Variants in ATXN2 observed in about 807,000 individuals in gnomAD.
ATXN2 encodes ataxin 2.
Under a neutral mutation model 138.6 loss-of-function variants are expected in ATXN2, and 37 were observed. The observed-to-expected ratio is 0.27, with a 90% CI of 0.21 to 0.35. ATXN2 has a LOEUF of 0.35. ATXN2 is among the 10% of genes least tolerant of loss of function. The pLI is 1.00. For missense variants in ATXN2, 1,216 were observed against 1,480.3 expected (o/e 0.82, Z 2.93); for synonymous variants, 549 against 543.7 (o/e 1.01, Z -0.13).
chr12:111,526,091 C>T (rs1880480436), intron 5 of ATXN2, among the ~76,000 whole-genome samples: 1 of 151,966 alleles, frequency 6.6e-6, no homozygotes, highest in Admixed American at 6.5e-5. Flanking sequence ...GATGTGGTGG[C>T]TCATGCCTGT....
chr12:111,495,870 A>G (rs1417890345), intron 14 of ATXN2, among the ~76,000 whole-genome samples: 1 of 152,092 alleles, frequency 6.6e-6, no homozygotes, highest in African/African-American at 2.4e-5. Context: ...TTGACGTGGC[A>G]CAGTGGCTCA....
intron 21 of ATXN2, 56 bp from the exon 22 acceptor site, chr12:111,457,415 C>G (rs529517612): frequency 2.0e-6 from 3 of 1,522,264 alleles, no homozygotes; most frequent in East Asian, 4.6e-5. Flanking sequence ...ACCTCCATCG[C>G]TCCTCTACAC....
At chr12:111,584,369 C>A (rs1463842616) in intron 1 of ATXN2, among the ~76,000 whole-genome samples, 2 of 88,282 alleles carry the variant, frequency 2.3e-5, no homozygotes, top group Non-Finnish European at 4.0e-5. Context: ...GTGACAGAGA[C>A]CCTGTCTCAA....
chr12:111,530,980 T>C (rs746432975), intron 5 of ATXN2, among the ~76,000 whole-genome samples: 5 of 151,470 alleles, frequency 3.3e-5, no homozygotes, highest in Admixed American at 6.6e-5. Context: ...TAGCTGTGCA[T>C]GGTGGTGCAT....
Position 111,598,100 on chromosome 12 carries a change from C to G in ATXN2, c.251+684G>C, listed in dbSNP as rs995485350. The G allele has an allele frequency of 1.8e-6, 2 of 1,134,610 alleles. No homozygotes were observed. Among genetic ancestry groups the G allele is most frequent in the African/African-American group, 1.6e-5 (1 of 61,564 alleles). 70.3% of individuals were successfully genotyped at this position (1,134,610 alleles called of 1,614,324 possible). On this transcript the variant is annotated intron_variant, in intron 1 of 24. Coordinates refer to ENST00000673436, the MANE Select transcript of ATXN2 (RefSeq NM_001372574.1). The surrounding 1 kb of genome is among the most constrained non-coding windows in gnomAD (Gnocchi z 4.5). ...CTGCCGGAGGCCACATGGAGCCCCA[C>G]GATTTCAGGGGAGTTCGGGAGCCCC...
At position 111,491,178 on chromosome 12, in the gene ATXN2, G is replaced by A. The variant is rs573612411; in HGVS notation, c.1936-2398C>T. ...TGAGGTAGGAGAATTATTTGAACCCGGGAGGCGGAGGTTGTGGTGAGCTGA... is the reference window on the plus strand; with the variant it reads ...TGAGGTAGGAGAATTATTTGAACCCAGGAGGCGGAGGTTGTGGTGAGCTGA... On this transcript the variant is annotated intron_variant, in intron 14 of 24. Transcript: ENST00000673436. 2.0e-5 allele frequency among the ~76,000 whole-genome samples: 3 copies of A among 152,142 alleles called. No individual in the cohort carries two copies. In the South Asian group the frequency reaches 6.2e-4, roughly 32 times the overall value.
intron 1 of ATXN2, among the ~76,000 whole-genome samples, chr12:111,566,219 G>A (rs1882995038): frequency 6.6e-6 from 1 of 152,036 alleles, no homozygotes; most frequent in African/African-American, 2.4e-5. Context: ...GATCACCTGA[G>A]ATCGGGAGTT....
At chr12:111,462,949 T>C (rs1407904074) in intron 21 of ATXN2, among the ~76,000 whole-genome samples, 2 of 145,774 alleles carry the variant, frequency 1.4e-5, no homozygotes, top group East Asian at 4.0e-4. Flanking sequence ...AAATAAATTA[T>C]ATATACACAC....
At chr12:111,559,357 C>T (rs1205562831) in intron 1 of ATXN2, among the ~76,000 whole-genome samples, 1 of 151,484 alleles carries the variant, frequency 6.6e-6, no homozygotes, top group African/African-American at 2.4e-5. Context: ...CCTCAGCCTC[C>T]CAAAGTGCTG....
At chr12:111,493,384 C>T (rs971614999) in intron 14 of ATXN2, among the ~76,000 whole-genome samples, 1 of 138,182 alleles carries the variant, frequency 7.2e-6, no homozygotes, top group African/African-American at 2.9e-5. Context: ...GGCACCACTG[C>T]ACTCCAGGCT....
Position 111,456,140 on chromosome 12 carries a change from C to T in ATXN2, c.3159G>A (p.Thr1053=), listed in dbSNP as rs144086685. The change falls in exon 23 of 25, where the codon ACG becomes ACA. Residue 1053 remains threonine (T), a synonymous_variant. Coordinates refer to ENST00000673436, the MANE Select transcript of ATXN2 (RefSeq NM_001372574.1). ...CTGGGAAACTATTCTGTGGCGACTGCGTGTTGGAGGCAGGTGTCATGGAGG... is the reference window on the plus strand; with the variant it reads ...CTGGGAAACTATTCTGTGGCGACTGTGTGTTGGAGGCAGGTGTCATGGAGG... The part of the protein sequence containing the change: ...TPPSMTPASN[T]QSPQNSFPAA... 1.1e-4 allele frequency: 180 copies of T among 1,614,194 alleles called. No homozygotes were observed. In the African/African-American group the frequency reaches 2.0e-3, roughly 18 times the overall value.
intron 5 of ATXN2, among the ~76,000 whole-genome samples, chr12:111,534,106 T>C (rs1452421594): frequency 2.6e-5 from 4 of 151,690 alleles, no homozygotes; most frequent in Non-Finnish European, 4.4e-5. Flanking sequence ...ATATAATAAA[T>C]ATAAATAAAT....
intron 18 of ATXN2, 113 bp downstream of exon 18, chr12:111,485,152 T>A: frequency 1.1e-6 from 1 of 946,598 alleles, no homozygotes; most frequent in South Asian, 1.7e-5. Context: ...AGCCAATGCA[T>A]AGCCTCATCA....
rs757472882 is a variant in ATXN2, at chr12:111,457,172, G to A, written c.3042+42C>T. ...CCTGAAGAAAGCACTCAGATACTAGGATAAAGAAGCCACTCCATGCAGACC... is the reference window on the plus strand; with the variant it reads ...CCTGAAGAAAGCACTCAGATACTAGAATAAAGAAGCCACTCCATGCAGACC... On this transcript the variant is annotated intron_variant, in intron 22 of 24. Coordinates refer to ENST00000673436, the MANE Select transcript of ATXN2 (RefSeq NM_001372574.1). 1.3e-5 allele frequency: 20 copies of A among 1,581,476 alleles called. No individual in the cohort carries two copies. In the South Asian group the frequency reaches 2.2e-4, roughly 17 times the overall value.
chr12:111,583,867 T>C (rs1007551015), intron 1 of ATXN2, among the ~76,000 whole-genome samples: 1 of 150,706 alleles, frequency 6.6e-6, no homozygotes, highest in Non-Finnish European at 1.5e-5. Context: ...CAACTTTAGA[T>C]AAATAACTTT....
At chr12:111,564,035 G>C (rs1882847605) in intron 1 of ATXN2, among the ~76,000 whole-genome samples, 2 of 152,168 alleles carry the variant, frequency 1.3e-5, no homozygotes, top group Admixed American at 1.3e-4. Context: ...CCCCACATTA[G>C]ACAAAACAGT....
intron 1 of ATXN2, among the ~76,000 whole-genome samples, chr12:111,590,455 G>A (rs978958286): frequency 7.9e-5 from 12 of 151,872 alleles, no homozygotes; most frequent in African/African-American, 2.7e-4. Context: ...TTGGGAGGCT[G>A]TTGGGCGGAT....
intron 14 of ATXN2, among the ~76,000 whole-genome samples, chr12:111,503,605 T>TC (rs950944571): frequency 6.6e-6 from 1 of 151,912 alleles, no homozygotes; most frequent in Non-Finnish European, 1.5e-5. Flanking sequence ...TTTTCCACTC[T>TC]CTTTTTTTTT....
At chr12:111,555,436 C>A (rs1882336515) in intron 2 of ATXN2, among the ~76,000 whole-genome samples, 2 of 152,080 alleles carry the variant, frequency 1.3e-5, no homozygotes, top group South Asian at 4.1e-4. Flanking sequence ...GGCAGTTTCC[C>A]CTACGCTGCT....
Sources: gnomAD v4.1 joint callset for allele counts (sites outside exome capture counted in the v4.1 genomes callset) on GRCh38, gnomAD v4.1.1 for gene constraint, Gnocchi (gnomAD v3.1) non-coding constraint, MANE v1.5 for transcripts, NCBI Gene and HGNC (gene_info 2026-07-23, HGNC 2026-07-21) for gene names.